The following SSBP3 variants were observed in gnomAD, a reference collection of about 807,000 sequenced individuals.
SSBP3 encodes single stranded DNA binding protein 3.
Under a neutral mutation model 69.6 loss-of-function variants are expected in SSBP3, and 5 were observed. That is an observed-to-expected ratio of 0.07 (90% CI 0.04 to 0.15). The LOEUF (loss-of-function observed/expected upper bound fraction) is 0.15. SSBP3 is among the 10% of genes least tolerant of loss of function. The probability of loss-of-function intolerance (pLI) is 1.00; values close to 1 mark genes in which losing one functional copy is unlikely to be tolerated. For missense variants in SSBP3, 312 were observed against 534.0 expected (o/e 0.58, Z 4.10); for synonymous variants, 196 against 193.4 (o/e 1.01, Z -0.11).
chr1:54,378,671 C>T (rs1569990372), intron 4 of SSBP3, among the ~76,000 whole-genome samples: 1 of 152,174 alleles, frequency 6.6e-6, no homozygotes, highest in East Asian at 1.9e-4. Context: ...GACAGCCAGG[C>T]CTGCCCCTAC....
rs1350935927 is a variant in SSBP3 at position 54,243,417 on chromosome 1, G to GA, written c.652-119dup. On this transcript the variant is annotated intron_variant, in intron 9 of 17. Transcript: ENST00000610401. ...GTTAGTCTGTGAAAAGGATTGATGA[G>GA]AAAAAATAATACATTCTTTCAAAAA... 8 of 1,259,736 alleles carry GA rather than the reference G, an allele frequency of 6.4e-6. No individual in the cohort carries two copies. The East Asian group carries it at 1.6e-4, about 26-fold the overall frequency. 78.0% of individuals were successfully genotyped at this position (1,259,736 alleles called of 1,614,324 possible).
At chr1:54,236,584 T>C (rs1264668514) in intron 14 of SSBP3, 1 of 152,262 alleles carries the variant, frequency 6.6e-6, no homozygotes, top group African/African-American at 2.4e-5. Flanking sequence ...CTGTATTTTA[T>C]TGTAATTCCT....
At chr1:54,375,298 T>C (rs34370834) in intron 4 of SSBP3, among the ~76,000 whole-genome samples, 2,738 of 152,246 alleles carry the variant, frequency 0.018, 37 homozygotes, top group Non-Finnish European at 0.027. Context: ...ACAAACCACC[T>C]AGGGGAATTT....
At chr1:54,305,061 C>G (rs564537997) in intron 4 of SSBP3, among the ~76,000 whole-genome samples, 1 of 152,176 alleles carries the variant, frequency 6.6e-6, no homozygotes, top group Non-Finnish European at 1.5e-5. Flanking sequence ...AGAGAAAGGC[C>G]GAGCAGAGAC....
chr1:54,271,674 G>C lies in SSBP3; in HGVS notation c.366+9764C>G, dbSNP rs567216717. ...GCTGCATACAGACCTGGCACTTCAT[G>C]AAGGGTGTGCCCCTCTACCCCACCA... On this transcript the variant is annotated intron_variant, in intron 5 of 17. Coordinates refer to ENST00000610401, the Ensembl canonical transcript of SSBP3. Among the ~76,000 whole-genome samples the C allele has an allele frequency of 1.1e-4, 16 of 152,278 alleles. No individual in the cohort carries two copies. In the East Asian group the frequency reaches 2.3e-3, roughly 22 times the overall value.
At chr1:54,368,487 A>G (rs1647065811) in intron 4 of SSBP3, among the ~76,000 whole-genome samples, 1 of 151,942 alleles carries the variant, frequency 6.6e-6, no homozygotes. Flanking sequence ...GGGAAAAAAA[A>G]AAAATCAGAA....
chr1:54,328,054 G>A (rs184981507), intron 4 of SSBP3, among the ~76,000 whole-genome samples: 8 of 152,256 alleles, frequency 5.3e-5, no homozygotes, highest in African/African-American at 1.7e-4. Context: ...GGAAGAGGAC[G>A]GGCGACTCTA....
chr1:54,274,217 C>T (rs72910058), intron 5 of SSBP3, among the ~76,000 whole-genome samples: 18,159 of 152,226 alleles, frequency 0.12, 1,147 homozygotes, highest in South Asian at 0.24. Context: ...CAAGAAGCTG[C>T]GGATCCCACC....
Position 54,362,950 on chromosome 1 carries a change from G to A in SSBP3, c.276+38911C>T, listed in dbSNP as rs187950191. Among the ~76,000 whole-genome samples the A allele has an allele frequency of 2.0e-3, 309 of 152,200 alleles. 1 individual carries two copies. The highest frequency in any genetic ancestry group is 7.2e-3 in the African/African-American group (298 of 41,516). On this transcript the variant is annotated intron_variant, in intron 4 of 17. Transcript: ENST00000610401. ...TGGATGGAGGCCTGGGAGATGAACT[G>A]TCTCACGGGGGGCGGGGCAGAGGGA...
At position 54,258,796 on chromosome 1, in the gene SSBP3, A is replaced by T. The variant is rs1490528797; in HGVS notation, c.367-647T>A. 6.6e-6 allele frequency among the ~76,000 whole-genome samples: 1 copy of T among 152,194 alleles called. No homozygotes were observed. Among genetic ancestry groups the T allele is most frequent in the East Asian group, 1.9e-4 (1 of 5,188 alleles). On this transcript the variant is annotated intron_variant, in intron 5 of 17. Coordinates refer to ENST00000610401, the Ensembl canonical transcript of SSBP3. This position sits in a 1 kb window ranked among gnomAD's most constrained non-coding sequence, Gnocchi z 4.5. ...AGTGAGGGGACAGTGAGTGAGGGCC[A>T]CACGGTGTGGGCAGCACAGACTCGC... is the stretch of plus-strand genomic sequence containing the variant.
At chr1:54,376,359 TAA>T (rs1647236289) in intron 4 of SSBP3, among the ~76,000 whole-genome samples, 1 of 152,184 alleles carries the variant, frequency 6.6e-6, no homozygotes. Context: ...TGCCAGCCTC[TAA>T]ACCCACTACC....
At chr1:54,296,475 T>C (rs544926265) in intron 4 of SSBP3, among the ~76,000 whole-genome samples, 44 of 152,350 alleles carry the variant, frequency 2.9e-4, no homozygotes, top group African/African-American at 1.1e-3. Context: ...AATTTAAATT[T>C]GGGCCTTCGG....
rs147366473 is a variant in SSBP3 at position 54,324,231 on chromosome 1, A to T, written c.277-42704T>A. Among the ~76,000 whole-genome samples the T allele has an allele frequency of 2.8e-3, 430 of 152,148 alleles. 4 individuals are homozygous for T. Among genetic ancestry groups the T allele is most frequent in the African/African-American group, 0.01 (416 of 41,512 alleles). On this transcript the variant is annotated intron_variant, in intron 4 of 17. Coordinates refer to ENST00000610401, the Ensembl canonical transcript of SSBP3. ...CCACAGAAATCAGAAGTGGGGATGGACTCTTTCGACAGTCTTCAGGGCTGC... is the reference window on the plus strand; with the variant it reads ...CCACAGAAATCAGAAGTGGGGATGGTCTCTTTCGACAGTCTTCAGGGCTGC...
At chr1:54,269,721 G>A (rs550071507) in intron 5 of SSBP3, among the ~76,000 whole-genome samples, 2 of 152,340 alleles carry the variant, frequency 1.3e-5, no homozygotes, top group South Asian at 4.1e-4. Flanking sequence ...GCAGACTGAT[G>A]GAGGGGCAGA....
In SSBP3 at chr1:54,258,475, T is replaced by C. The variant is rs1484485238; in HGVS notation, c.367-326A>G. Among the ~76,000 whole-genome samples, 2 of 151,974 alleles carry C rather than the reference T, an allele frequency of 1.3e-5. No homozygotes were observed. The highest frequency in any genetic ancestry group is 2.4e-5 in the African/African-American group (1 of 41,360). On this transcript the variant is annotated intron_variant, in intron 5 of 17. Transcript: ENST00000610401. The surrounding 1 kb of genome is among the most constrained non-coding windows in gnomAD (Gnocchi z 4.5). ...AGCGGAGTTTGCCATGTTAAATACG[T>C]TGGTTGAGACGGGCTCAGAGGGAGT...
intron 4 of SSBP3, among the ~76,000 whole-genome samples, chr1:54,355,266 T>C (rs1246195208): frequency 6.6e-6 from 1 of 152,216 alleles, no homozygotes; most frequent in African/African-American, 2.4e-5. Context: ...CTAAGCCGAA[T>C]TTCTGGACAA....
At chr1:54,229,988 A>G (rs1468583756) in intron 14 of SSBP3, among the ~76,000 whole-genome samples, 2 of 152,258 alleles carry the variant, frequency 1.3e-5, no homozygotes, top group African/African-American at 4.8e-5. Flanking sequence ...GAGAGCATCA[A>G]CAAAATTGAG....
intron 14 of SSBP3, among the ~76,000 whole-genome samples, chr1:54,235,250 G>T (rs1226691277): frequency 2.0e-5 from 3 of 150,254 alleles, no homozygotes; most frequent in African/African-American, 7.4e-5. Context: ...CATCAGATGG[G>T]CTATCCCTGT....
At chr1:54,405,608 G>C (rs57885149) in intron 1 of SSBP3, 7,579 of 153,866 alleles carry the variant, frequency 0.049, 229 homozygotes, top group African/African-American at 0.08. Flanking sequence ...GCCACCGCGG[G>C]GAGCGCCCGG....
Sources: allele counts gnomAD v4.1 joint callset (sites outside exome capture counted in the v4.1 genomes callset), GRCh38; gene constraint gnomAD v4.1.1; non-coding constraint Gnocchi (gnomAD v3.1); transcripts MANE v1.5; gene names NCBI Gene and HGNC (gene_info 2026-07-23, HGNC 2026-07-21).